Variants in ADAMTSL1 observed in about 807,000 individuals in gnomAD.
ADAMTSL1 encodes the protein ADAMTS like 1, also known as ADAMTS-like protein 1.
A neutral mutation model predicts 201.8 loss-of-function variants in ADAMTSL1; 126 were observed. That is an observed-to-expected ratio of 0.62 (90% CI 0.54 to 0.72). The LOEUF (loss-of-function observed/expected upper bound fraction) is 0.72, where lower values mean the gene tolerates loss of function less well. Ranked by LOEUF, ADAMTSL1 falls within the 30% of genes least tolerant of loss-of-function variation. The pLI is 0.00. For synonymous variants in ADAMTSL1, 1,121 were observed against 903.4 expected (o/e 1.24, Z -4.32); for missense variants, 2,679 against 2,277.8 (o/e 1.18, Z -3.59).
In ADAMTSL1 at chr9:18,390,273, A is replaced by G. The variant is rs560552766; in HGVS notation, c.208-114556A>G. 1.2e-3 allele frequency among the ~76,000 whole-genome samples: 178 copies of G among 152,304 alleles called. 1 individual carries two copies. Among genetic ancestry groups the G allele is most frequent in the African/African-American group, 3.7e-3 (153 of 41,562 alleles). On this transcript the variant is annotated intron_variant, in intron 2 of 29. Transcript: ENST00000680146. ...CAAACCATTTCTGTTACAGAAACCA[A>G]GAGGTAATTTTCCTCCAGGTAATCA... is the stretch of plus-strand genomic sequence containing the variant.
intron 3 of ADAMTSL1, among the ~76,000 whole-genome samples, chr9:18,561,731 G>A (rs1339050135): frequency 6.6e-6 from 1 of 152,068 alleles, no homozygotes; most frequent in Non-Finnish European, 1.5e-5. Flanking sequence ...TATATATTTA[G>A]GATAGTTAGC....
intron 2 of ADAMTSL1, among the ~76,000 whole-genome samples, chr9:18,311,349 T>C (rs1443580950): frequency 6.9e-6 from 1 of 145,962 alleles, no homozygotes; most frequent in Non-Finnish European, 1.5e-5. Context: ...TAGGGTATAA[T>C]AAAAAAAAAA....
intron 1 of ADAMTSL1, among the ~76,000 whole-genome samples, chr9:18,091,497 T>C (rs1824016214): frequency 6.6e-6 from 1 of 152,174 alleles, no homozygotes; most frequent in African/African-American, 2.4e-5. Flanking sequence ...GGGTTTTCTC[T>C]CTGTAAATCA....
chr9:18,206,866 G>A (rs542547495), intron 2 of ADAMTSL1, among the ~76,000 whole-genome samples: 1 of 152,124 alleles, frequency 6.6e-6, no homozygotes, highest in African/African-American at 2.4e-5. Flanking sequence ...AGCAAGCAAG[G>A]AAAGAAAGTG....
At chr9:18,069,409 A>G (rs992867858) in intron 1 of ADAMTSL1, among the ~76,000 whole-genome samples, 51 of 152,280 alleles carry the variant, frequency 3.3e-4, no homozygotes, top group African/African-American at 1.2e-3. Flanking sequence ...TATTATATAC[A>G]TACATACATA....
At chr9:18,869,779 A>G (rs1342065457) in intron 23 of ADAMTSL1, among the ~76,000 whole-genome samples, 1 of 152,118 alleles carries the variant, frequency 6.6e-6, no homozygotes, top group Admixed American at 6.5e-5. Flanking sequence ...AATTCCAGCA[A>G]TTTGACTATG....
At chr9:18,498,373 G>A (rs966654295) in intron 1 of ADAMTSL1, among the ~76,000 whole-genome samples, 3 of 96,190 alleles carry the variant, frequency 3.1e-5, no homozygotes, top group African/African-American at 1.2e-4. Flanking sequence ...TTTTACTCTT[G>A]TTGCCCAGGC....
rs889328548 is a variant in ADAMTSL1 at position 18,721,909 on chromosome 9, C to G, written c.2006+244C>G. Among the ~76,000 whole-genome samples, 28 of 152,294 alleles carry G rather than the reference C, an allele frequency of 1.8e-4. 1 individual carries two copies. In the South Asian group the frequency reaches 2.9e-3, roughly 16 times the overall value. On this transcript the variant is annotated intron_variant, in intron 15 of 28. Coordinates refer to ENST00000380548, the MANE Select transcript of ADAMTSL1 (RefSeq NM_001040272.6). ...GCATTCACTTGAGCCTGTGGCATGGCTGGTATGTGTGTGTGCCACGCAGTT... is the reference window on the plus strand; with the variant it reads ...GCATTCACTTGAGCCTGTGGCATGGGTGGTATGTGTGTGTGCCACGCAGTT...
chr9:18,769,552 A>G (rs1820565242), intron 16 of ADAMTSL1, among the ~76,000 whole-genome samples: 1 of 152,214 alleles, frequency 6.6e-6, no homozygotes, highest in Non-Finnish European at 1.5e-5. Flanking sequence ...AGTCCAGAGC[A>G]GATATGGTGG....
At chr9:18,409,056 C>A (rs1338963741) in intron 2 of ADAMTSL1, among the ~76,000 whole-genome samples, 3 of 151,918 alleles carry the variant, frequency 2.0e-5, no homozygotes. Flanking sequence ...TATTATTGAT[C>A]ATGTAATCTG....
At chr9:18,281,382 A>G (rs1832781904) in intron 2 of ADAMTSL1, among the ~76,000 whole-genome samples, 1 of 152,140 alleles carries the variant, frequency 6.6e-6, no homozygotes, top group Non-Finnish European at 1.5e-5. Flanking sequence ...CAGACTATGG[A>G]GAATTCAGCA....
intron 2 of ADAMTSL1, among the ~76,000 whole-genome samples, chr9:18,178,148 G>T (rs1030782517): frequency 3.3e-5 from 5 of 152,196 alleles, no homozygotes; most frequent in African/African-American, 4.8e-5. Context: ...CCAGACAGTG[G>T]GCGCAGGTCA....
At chr9:18,764,082 G>C (rs1255786198) in intron 16 of ADAMTSL1, among the ~76,000 whole-genome samples, 1 of 152,232 alleles carries the variant, frequency 6.6e-6, no homozygotes, top group Middle Eastern at 3.4e-3. Context: ...AGATTGCTTT[G>C]GGTAGTAAGG....
In ADAMTSL1 at chr9:18,533,964, C is replaced by T. The variant is rs139214789; in HGVS notation, c.237+672C>T. ...GGATTTGAAGGGTTGACAGTCAGTC[C>T]AATGGAGAGGACATAATGGGCAAGT... On this transcript the variant is annotated intron_variant, in intron 3 of 28. Coordinates refer to ENST00000380548, the MANE Select transcript of ADAMTSL1 (RefSeq NM_001040272.6). Among the ~76,000 whole-genome samples, 8 of 152,160 alleles carry T rather than the reference C, an allele frequency of 5.3e-5. 1 individual carries two copies. In the East Asian group the frequency reaches 1.5e-3, roughly 29 times the overall value.
chr9:18,651,548 C>G (rs1316543167), intron 7 of ADAMTSL1: 3 of 152,214 alleles, frequency 2.0e-5, no homozygotes, highest in Non-Finnish European at 4.4e-5. Flanking sequence ...GCTAAGAGCA[C>G]TAACTCATAA....
intron 1 of ADAMTSL1, among the ~76,000 whole-genome samples, chr9:18,153,607 G>C (rs1827017428): frequency 6.6e-6 from 1 of 151,984 alleles, no homozygotes; most frequent in Admixed American, 6.6e-5. Flanking sequence ...GAGGACTGAA[G>C]CCCCTGACAG....
intron 1 of ADAMTSL1, among the ~76,000 whole-genome samples, chr9:17,972,165 A>G (rs1818229993): frequency 6.7e-6 from 1 of 150,288 alleles, no homozygotes; most frequent in Non-Finnish European, 1.5e-5. Context: ...AAATTTTTTT[A>G]TTTTATTATT....
intron 1 of ADAMTSL1, among the ~76,000 whole-genome samples, chr9:18,163,637 G>C (rs1400092590): frequency 6.6e-6 from 1 of 152,110 alleles, no homozygotes; most frequent in East Asian, 1.9e-4. Context: ...ACACCCGTCA[G>C]TTAAGAGGCA....
intron 1 of ADAMTSL1, among the ~76,000 whole-genome samples, chr9:17,949,227 G>C (rs1017309109): frequency 6.6e-6 from 1 of 152,166 alleles, no homozygotes; most frequent in Admixed American, 6.5e-5. Flanking sequence ...TGCAGACAGG[G>C]CATCATGGAG....
Sources: allele counts gnomAD v4.1 joint callset (sites outside exome capture counted in the v4.1 genomes callset), GRCh38; gene constraint gnomAD v4.1.1; transcripts MANE v1.5; gene names NCBI Gene and HGNC (gene_info 2026-07-23, HGNC 2026-07-21).